The following CCDC102B variants were observed in gnomAD, a reference collection of about 807,000 sequenced individuals.
The protein encoded by CCDC102B is coiled-coil domain containing 102B.
A neutral mutation model predicts 57.4 loss-of-function variants in CCDC102B; 75 were observed. That is an observed-to-expected ratio of 1.31 (90% CI 1.08 to 1.58). The LOEUF (loss-of-function observed/expected upper bound fraction) is 1.58, where lower values mean the gene tolerates loss of function less well. Ranked by LOEUF, CCDC102B falls within the 40% of genes most tolerant of loss-of-function variation. The pLI is 0.00. For synonymous variants in CCDC102B, 206 were observed against 201.9 expected (o/e 1.02, Z -0.17); for missense variants, 636 against 582.6 (o/e 1.09, Z -0.94).
intron 1 of CCDC102B, among the ~76,000 whole-genome samples, chr18:68,716,016 T>A (rs2031949864): frequency 6.6e-6 from 1 of 152,198 alleles, no homozygotes; most frequent in African/African-American, 2.4e-5. Context: ...GCACTCTAAT[T>A]GAGAGCAAGC....
At chr18:69,027,697 G>T (rs1379898387) in intron 7 of CCDC102B, among the ~76,000 whole-genome samples, 3 of 151,340 alleles carry the variant, frequency 2.0e-5, no homozygotes, top group Non-Finnish European at 4.4e-5. Context: ...AGGCAAACCA[G>T]AATTAATTTA....
chr18:68,823,945 G>C (rs1387786436), intron 1 of CCDC102B, among the ~76,000 whole-genome samples: 1 of 151,698 alleles, frequency 6.6e-6, no homozygotes, highest in Non-Finnish European at 1.5e-5. Context: ...AAGCATTCTA[G>C]ATATCAGACC....
intron 2 of CCDC102B, among the ~76,000 whole-genome samples, chr18:68,717,070 C>CT (rs1161365803): frequency 2.0e-5 from 3 of 147,588 alleles, no homozygotes; most frequent in Non-Finnish European, 4.5e-5. Context: ...GAGCAAGACT[C>CT]TGTTTCAAAA....
At chr18:68,834,615 A>T (rs566263250) in intron 1 of CCDC102B, among the ~76,000 whole-genome samples, 2 of 151,424 alleles carry the variant, frequency 1.3e-5, no homozygotes, top group East Asian at 3.9e-4. Context: ...ACATATACCA[A>T]TGCTAACAAA....
chr18:68,983,874 A>G (rs1213328048), intron 6 of CCDC102B, among the ~76,000 whole-genome samples: 2 of 152,026 alleles, frequency 1.3e-5, no homozygotes, highest in Non-Finnish European at 1.5e-5. Flanking sequence ...TCAGAGCTGC[A>G]TGTTTAAAGG....
intron 7 of CCDC102B, among the ~76,000 whole-genome samples, chr18:69,041,933 G>A (rs563289304): frequency 1.3e-5 from 2 of 152,068 alleles, no homozygotes; most frequent in Admixed American, 6.6e-5. Flanking sequence ...AAAGTACCCT[G>A]TTGAGTTATG....
At chr18:68,732,774 A>G (rs2032941280) in intron 2 of CCDC102B, among the ~76,000 whole-genome samples, 1 of 152,174 alleles carries the variant, frequency 6.6e-6, no homozygotes, top group African/African-American at 2.4e-5. Flanking sequence ...AATTTTTAGG[A>G]TACCATAGTT....
intron 7 of CCDC102B, among the ~76,000 whole-genome samples, chr18:69,043,405 G>A (rs984830373): frequency 1.1e-4 from 16 of 152,032 alleles, no homozygotes; most frequent in Non-Finnish European, 1.9e-4. Context: ...CCCTTTATGG[G>A]TGTCGGGCTT....
Position 68,860,690 on chromosome 18 carries a change from T to C in CCDC102B, c.937-13979T>C, listed in dbSNP as rs1328245878. Among the ~76,000 whole-genome samples, 3 of 101,544 alleles carry C rather than the reference T, an allele frequency of 3.0e-5. No homozygotes were observed. The East Asian group carries it at 1.1e-3, about 36-fold the overall frequency. The allele number at this position is 101,544 out of a possible 152,430, so 66.6% of individuals were successfully genotyped here. On this transcript the variant is annotated intron_variant, in intron 4 of 7. Coordinates refer to ENST00000360242, the MANE Select transcript of CCDC102B (RefSeq NM_024781.3). The stretch of plus-strand genomic sequence containing the variant: ...TCTCCTTGAAATCTTGGCTCAAATG[T>C]TACCTTGTCAGTGATGCTCTCCCTA...
At chr18:68,740,653 G>A (rs1313427648) in intron 2 of CCDC102B, among the ~76,000 whole-genome samples, 2 of 152,196 alleles carry the variant, frequency 1.3e-5, no homozygotes, top group Non-Finnish European at 2.9e-5. Context: ...CATTGGAGGT[G>A]GTGGAGTAGA....
chr18:68,804,263 T>G (rs951334153), intron 1 of CCDC102B, among the ~76,000 whole-genome samples: 1 of 152,142 alleles, frequency 6.6e-6, no homozygotes, highest in Non-Finnish European at 1.5e-5. Context: ...CAGGGAACAC[T>G]GTGGAGGAGC....
At chr18:68,847,262 G>A (rs1014237949) in intron 4 of CCDC102B, among the ~76,000 whole-genome samples, 1 of 151,616 alleles carries the variant, frequency 6.6e-6, no homozygotes, top group Admixed American at 6.6e-5. Flanking sequence ...ACCTCTCTGG[G>A]TATGGCGTTC....
In CCDC102B at chr18:68,837,356, A is replaced by T. The variant is rs759888751; in HGVS notation, c.593A>T (p.Asp198Val). The T allele has an allele frequency of 3.1e-6, 5 of 1,607,682 alleles. No individual in the cohort carries two copies. The African/African-American group carries it at 4.0e-5, about 13-fold the overall frequency. ...LVKRQFSTKE[D>V]TNNKEQGVVI... The stretch of plus-strand genomic sequence containing the variant: ...AAAAGACAATTTTCTACAAAGGAGG[A>T]CACAAATAATAAGGTAAGAAAAAAA... Residue 198 changes from aspartate to valine, a missense_variant, in exon 2 of 8, where the codon GAC becomes GTC. Transcript: ENST00000360242.
intron 2 of CCDC102B, among the ~76,000 whole-genome samples, chr18:68,759,406 T>A (rs2034177168): frequency 6.6e-6 from 1 of 152,032 alleles, no homozygotes; most frequent in African/African-American, 2.4e-5. Context: ...CAAGACAACA[T>A]AATATTTTAG....
chr18:68,783,613 A>G (rs537542306), intron 2 of CCDC102B, among the ~76,000 whole-genome samples: 1 of 152,242 alleles, frequency 6.6e-6, no homozygotes, highest in South Asian at 2.1e-4. Flanking sequence ...TACCTTGTTG[A>G]CAGCCTTCTC....
intron 2 of CCDC102B, among the ~76,000 whole-genome samples, chr18:68,770,946 A>T (rs559879213): frequency 1.3e-5 from 2 of 152,370 alleles, no homozygotes; most frequent in East Asian, 3.9e-4. Context: ...ATATGGTAAA[A>T]TACCAAATAC....
chr18:68,995,163 A>G (rs974772802), intron 6 of CCDC102B, among the ~76,000 whole-genome samples: 1 of 152,188 alleles, frequency 6.6e-6, no homozygotes, highest in African/African-American at 2.4e-5. Context: ...GGAACTTTGA[A>G]CTTGAGAGAG....
intron 4 of CCDC102B, among the ~76,000 whole-genome samples, chr18:68,856,920 TCA>T (rs1286227734): frequency 2.0e-5 from 3 of 147,812 alleles, no homozygotes; most frequent in Admixed American, 7.0e-5. Flanking sequence ...ACATTTATAC[TCA>T]CACTTATACA....
intron 5 of CCDC102B, among the ~76,000 whole-genome samples, chr18:68,896,820 A>G (rs1023864540): frequency 1.3e-5 from 2 of 152,018 alleles, no homozygotes; most frequent in Non-Finnish European, 2.9e-5. Context: ...TATTCCCTAG[A>G]TAATTGAGTG....
Sources: gnomAD v4.1 joint callset for allele counts (sites outside exome capture counted in the v4.1 genomes callset) on GRCh38, gnomAD v4.1.1 for gene constraint, MANE v1.5 for transcripts, NCBI Gene and HGNC (gene_info 2026-07-23, HGNC 2026-07-21) for gene names.